CALN1: variants seen among roughly 807,000 people sequenced by gnomAD.
CALN1 encodes the protein calcium-binding protein 8.
CALN1 carries 17 observed loss-of-function variants against 30.6 expected under a neutral mutation model. The ratio of observed to expected loss-of-function variants is 0.56; its 90% CI spans 0.38 to 0.83. CALN1 has a LOEUF of 0.83. Among genes scored for constraint, CALN1 ranks in the 40% least tolerant of loss-of-function variants. The pLI is 0.00. For missense variants in CALN1, 291 were observed against 354.9 expected (o/e 0.82, Z 1.45); for synonymous variants, 156 against 131.4 (o/e 1.19, Z -1.28).
chr7:72,149,868 C>A (rs1787086475), intron 3 of CALN1, among the ~76,000 whole-genome samples: 1 of 151,980 alleles, frequency 6.6e-6, no homozygotes, highest in Non-Finnish European at 1.5e-5. Flanking sequence ...AATCCCAGCA[C>A]TTTGAGACAT....
At chr7:71,907,778 T>C (rs907260691) in intron 5 of CALN1, among the ~76,000 whole-genome samples, 2 of 152,224 alleles carry the variant, frequency 1.3e-5, no homozygotes, top group African/African-American at 4.8e-5. Context: ...AACAATTCAA[T>C]TCCCATTACG....
chr7:72,392,380 A>G (rs148790997), intron 2 of CALN1, among the ~76,000 whole-genome samples: 3 of 152,328 alleles, frequency 2.0e-5, no homozygotes, highest in African/African-American at 4.8e-5. Flanking sequence ...ACAAAGCAAT[A>G]GTAACTGGAC....
At chr7:72,142,334 C>A (rs115795584) in intron 3 of CALN1, among the ~76,000 whole-genome samples, 3,421 of 152,312 alleles carry the variant, frequency 0.022, 136 homozygotes, top group African/African-American at 0.078. Flanking sequence ...TATTCCGTGC[C>A]TGGCTCAGAG....
intron 2 of CALN1, among the ~76,000 whole-genome samples, chr7:72,400,657 G>A (rs183615595): frequency 1.4e-3 from 210 of 152,252 alleles, no homozygotes; most frequent in African/African-American, 4.7e-3. Context: ...ATCACTTGAG[G>A]TCAGGGGTTT....
chr7:72,233,520 A>G (rs1047685398), intron 3 of CALN1, among the ~76,000 whole-genome samples: 2 of 152,110 alleles, frequency 1.3e-5, no homozygotes, highest in Non-Finnish European at 2.9e-5. Flanking sequence ...GTTTGAGACC[A>G]GCATCGGCAA....
chr7:72,410,844 A>G (rs940776827), intron 1 of CALN1, among the ~76,000 whole-genome samples: 5 of 152,216 alleles, frequency 3.3e-5, no homozygotes, highest in Non-Finnish European at 7.3e-5. Context: ...CTTTATTGCT[A>G]AAATCAGAAA....
At chr7:72,107,970 C>T (rs1213163533) in intron 3 of CALN1, among the ~76,000 whole-genome samples, 1 of 152,132 alleles carries the variant, frequency 6.6e-6, no homozygotes, top group Non-Finnish European at 1.5e-5. Flanking sequence ...TCTGACCATG[C>T]CCTGGCATGA....
chr7:72,352,780 G>A (rs1466152277), intron 2 of CALN1, among the ~76,000 whole-genome samples: 1 of 151,668 alleles, frequency 6.6e-6, no homozygotes, highest in Admixed American at 6.6e-5. Context: ...TAGAAGAAAG[G>A]AAAAAGGATG....
chr7:71,923,404 T>G (rs1795085438), intron 5 of CALN1, among the ~76,000 whole-genome samples: 1 of 152,178 alleles, frequency 6.6e-6, no homozygotes, highest in South Asian at 2.1e-4. Flanking sequence ...ATTTGGGAAA[T>G]GGTGGCTCCC....
At chr7:72,318,112 A>G (rs1211852461) in intron 2 of CALN1, among the ~76,000 whole-genome samples, 1 of 152,184 alleles carries the variant, frequency 6.6e-6, no homozygotes, top group Admixed American at 6.5e-5. Context: ...ACTCAAATTC[A>G]TAAGGGGCAT....
chr7:72,492,357 G>A, the CALN1 span, among the ~76,000 whole-genome samples: 1 of 152,212 alleles, frequency 6.6e-6, no homozygotes, highest in Non-Finnish European at 1.5e-5. Flanking sequence ...GCCAGGTCTA[G>A]AAGCCAAGCC....
chr7:72,479,957 T>TATTCC, the CALN1 span, among the ~76,000 whole-genome samples: 1 of 152,278 alleles, frequency 6.6e-6, no homozygotes. Flanking sequence ...CTGAACTTTC[T>TATTCC]ATTCCATTCC....
chr7:71,922,946 A>G (rs1273001899), intron 5 of CALN1, among the ~76,000 whole-genome samples: 2 of 148,750 alleles, frequency 1.3e-5, no homozygotes, highest in Non-Finnish European at 3.0e-5. Context: ...TAGATATATG[A>G]TATGTACATA....
chr7:71,965,052 T>G (rs1017260109), intron 5 of CALN1, among the ~76,000 whole-genome samples: 1 of 152,086 alleles, frequency 6.6e-6, no homozygotes, highest in Non-Finnish European at 1.5e-5. Flanking sequence ...TTTGGAGACA[T>G]GGTCTCACTC....
intron 3 of CALN1, among the ~76,000 whole-genome samples, chr7:72,206,029 G>C (rs1413324732): frequency 6.6e-6 from 1 of 152,106 alleles, no homozygotes; most frequent in African/African-American, 2.4e-5. Flanking sequence ...TGCTTTCATA[G>C]CAGCACCACT....
intron 2 of CALN1, among the ~76,000 whole-genome samples, chr7:72,380,229 C>A (rs1462909127): frequency 6.6e-6 from 1 of 152,114 alleles, no homozygotes; most frequent in East Asian, 1.9e-4. Flanking sequence ...TCAGCAAACG[C>A]CAAGCTTCAA....
intron 2 of CALN1, among the ~76,000 whole-genome samples, chr7:72,282,029 C>T (rs563410): frequency 0.01 from 1,595 of 152,204 alleles, 26 homozygotes; most frequent in African/African-American, 0.036. Context: ...GGGAAGAAAC[C>T]ATGAGCAATG....
At chr7:71,932,981 G>A (rs1423032854) in intron 5 of CALN1, among the ~76,000 whole-genome samples, 1 of 152,128 alleles carries the variant, frequency 6.6e-6, no homozygotes, top group Non-Finnish European at 1.5e-5. Flanking sequence ...TAGGCAGATA[G>A]TGAGGGTACA....
At position 72,353,225 on chromosome 7, in the gene CALN1, C is replaced by G. The variant is rs1803033703; in HGVS notation, c.119+50026G>C. ...GCTTTCATAAAATAGAGAGCGGGAA[C>G]ACAGCTCAACTCATTTTATGAGGCT... On this transcript the variant is annotated intron_variant, in intron 2 of 6. Coordinates refer to ENST00000395275, the MANE Select transcript of CALN1 (RefSeq NM_031468.4). Among the ~76,000 whole-genome samples, 4 of 150,060 alleles carry G rather than the reference C, an allele frequency of 2.7e-5. No homozygotes were observed. The South Asian group carries it at 8.5e-4, about 32-fold the overall frequency.
Sources: allele counts gnomAD v4.1 joint callset (sites outside exome capture counted in the v4.1 genomes callset), GRCh38; gene constraint gnomAD v4.1.1; transcripts MANE v1.5; gene names NCBI Gene and HGNC (gene_info 2026-07-23, HGNC 2026-07-21).